Variants in UPF1 observed in about 807,000 individuals in gnomAD.
The protein encoded by UPF1 is UPF1 RNA helicase and ATPase, also known as regulator of nonsense transcripts 1.
In UPF1, 9 loss-of-function variants were observed where a neutral mutation model predicts 129.2. That is an observed-to-expected ratio of 0.07 (90% CI 0.04 to 0.12). UPF1 has a LOEUF of 0.12. UPF1 is among the 10% of genes least tolerant of loss of function. UPF1 has a pLI of 1.00. For missense variants in UPF1, 788 were observed against 1,525.3 expected (o/e 0.52, Z 8.05); for synonymous variants, 649 against 644.9 (o/e 1.01, Z -0.10).
rs118121500 is a variant in UPF1 at position 18,850,678 on chromosome 19, C to T, written c.630-10C>T. On this transcript the variant is annotated splice_polypyrimidine_tract_variant and intron_variant, in intron 4 of 23. Transcript: ENST00000262803. This position sits in a 1 kb window ranked among gnomAD's most constrained non-coding sequence, Gnocchi z 7.1. ...GGAGCTGGTCCTCACGGCCCCCTCC[C>T]GCTCTGCAGGCAGCCCTGTGCCAGC... 14,145 of 1,562,744 alleles carry T rather than the reference C, an allele frequency of 9.1e-3. 75 individuals are homozygous for T. The highest frequency in any genetic ancestry group is 0.011 in the Non-Finnish European group (12,844 of 1,151,356).
chr19:18,856,422 A>G, intron 13 of UPF1, 122 bp downstream of exon 13: 2 of 937,046 alleles, frequency 2.1e-6, no homozygotes, highest in East Asian at 2.7e-5. Context: ...GATGCTCTCT[A>G]CTTGGCCTCT....
At chr19:18,839,821 G>A (rs1287094116) in intron 1 of UPF1, among the ~76,000 whole-genome samples, 1 of 152,228 alleles carries the variant, frequency 6.6e-6, no homozygotes, top group Non-Finnish European at 1.5e-5. Context: ...CGGTTGCACT[G>A]TTAGAAGACA....
Position 18,868,193 on chromosome 19 carries a change from C to A in UPF1, c.*1676C>A, listed in dbSNP as rs141785250. 1.0e-4 allele frequency: 25 copies of A among 244,528 alleles called. No individual in the cohort carries two copies. Among genetic ancestry groups the A allele is most frequent in the African/African-American group, 4.7e-4 (21 of 45,006 alleles). The allele number at this position is 244,528 out of a possible 1,614,324, so 15.1% of individuals were successfully genotyped here. Reference sequence around the variant, plus strand: ...TTTTGATTTTCGGTCAATTTAAGTTCTTTTGTCACCAAATATTAATAAACA... The same window carrying A: ...TTTTGATTTTCGGTCAATTTAAGTTATTTTGTCACCAAATATTAATAAACA... On this transcript the variant is annotated 3_prime_UTR_variant, in exon 24 of 24. Coordinates refer to ENST00000262803, the MANE Select transcript of UPF1 (RefSeq NM_002911.4).
chr19:18,860,192 C>T (rs2055762418), intron 15 of UPF1, 129 bp from the exon 16 acceptor site: 5 of 984,170 alleles, frequency 5.1e-6, no homozygotes, highest in Non-Finnish European at 7.8e-6. Context: ...TCACCAGGGC[C>T]TCACAGATCG....
At chr19:18,845,838 G>A (rs913346917) in intron 1 of UPF1, 142 bp from the exon 2 acceptor site, 3 of 1,316,402 alleles carry the variant, frequency 2.3e-6, no homozygotes, top group Non-Finnish European at 3.0e-6. Flanking sequence ...CTAGAGAAGA[G>A]TGAAATCCAG....
In UPF1 at chr19:18,860,863, T is replaced by C. The variant is rs1217478130; in HGVS notation, c.2338T>C (p.Leu780=). ...GAACGTGGAGAAGATCACCACGAAGTTGCTGAAGGCAGGCGCCAAGCCGGA... is the reference window on the plus strand; with the variant it reads ...GAACGTGGAGAAGATCACCACGAAGCTGCTGAAGGCAGGCGCCAAGCCGGA... ...AANVEKITTK[L]LKAGAKPDQI... The change falls in exon 17 of 24, where the codon TTG becomes CTG. Residue 780 remains leucine, a synonymous_variant. Coordinates refer to ENST00000262803, the MANE Select transcript of UPF1 (RefSeq NM_002911.4). 5.0e-6 allele frequency: 8 copies of C among 1,612,064 alleles called. 1 individual carries two copies. In the South Asian group the frequency reaches 8.8e-5, roughly 18 times the overall value.
At chr19:18,837,456 G>A (rs140085320) in intron 1 of UPF1, among the ~76,000 whole-genome samples, 5 of 152,208 alleles carry the variant, frequency 3.3e-5, no homozygotes, top group Non-Finnish European at 5.9e-5. Context: ...GTGTGTGTAC[G>A]CAGGGCTGCG....
chr19:18,847,608 A>T, intron 2 of UPF1, 136 bp from the exon 3 acceptor site: 2 of 749,684 alleles, frequency 2.7e-6, no homozygotes, highest in Non-Finnish European at 2.3e-6. Context: ...TGATTTGGTT[A>T]CTGGGATTGT....
chr19:18,839,268 A>AT (rs964381548), intron 1 of UPF1, among the ~76,000 whole-genome samples: 1 of 151,914 alleles, frequency 6.6e-6, no homozygotes, highest in Non-Finnish European at 1.5e-5. Flanking sequence ...ATTTTTTTGT[A>AT]TTTTTAGTAG....
In UPF1 at chr19:18,851,987, G is replaced by A; in HGVS notation, c.811-148G>A. 1 of 1,181,846 alleles carries A rather than the reference G, an allele frequency of 8.5e-7. No homozygotes were observed. Among genetic ancestry groups the A allele is most frequent in the Non-Finnish European group, 1.1e-6 (1 of 883,252 alleles). The allele number at this position is 1,181,846 out of a possible 1,614,324, so 73.2% of individuals were successfully genotyped here. A position where few individuals can be genotyped will look rare whatever the true frequency, so the allele number is the denominator to read the frequency against. Reference sequence around the variant, plus strand: ...TTCCCAGGGTTCTCCTTGCAGGTGGGGCTGCGCCAGAACCCCTCCATGCCA... The same window carrying A: ...TTCCCAGGGTTCTCCTTGCAGGTGGAGCTGCGCCAGAACCCCTCCATGCCA... On this transcript the variant is annotated intron_variant, in intron 5 of 23. Transcript: ENST00000262803. This position sits in a 1 kb window ranked among gnomAD's most constrained non-coding sequence, Gnocchi z 4.2.
At position 18,832,518 on chromosome 19, in the gene UPF1, C is replaced by T. The variant is rs2055438915; in HGVS notation, c.231+78C>T. 1 of 965,860 alleles carries T rather than the reference C, an allele frequency of 1.0e-6. No individual in the cohort carries two copies. The highest frequency in any genetic ancestry group is 1.2e-6 in the Non-Finnish European group (1 of 809,880). 59.8% of individuals were successfully genotyped at this position (965,860 alleles called of 1,614,324 possible). On this transcript the variant is annotated intron_variant, in intron 1 of 23. Transcript: ENST00000262803. This position sits in a 1 kb window ranked among gnomAD's most constrained non-coding sequence, Gnocchi z 5.6. Reference sequence around the variant, plus strand: ...ACCTGCCCCGAACTCGCCTCGGGCCCGGCCTGTGTTTGGCCGGAGTCCCCC... The same window carrying T: ...ACCTGCCCCGAACTCGCCTCGGGCCTGGCCTGTGTTTGGCCGGAGTCCCCC...
At chr19:18,858,963 T>C (rs941764866) in intron 15 of UPF1, among the ~76,000 whole-genome samples, 1 of 152,188 alleles carries the variant, frequency 6.6e-6, no homozygotes, top group Non-Finnish European at 1.5e-5. Flanking sequence ...ACTCCAAACC[T>C]GTGAGGTTGG....
intron 17 of UPF1, among the ~76,000 whole-genome samples, chr19:18,861,291 T>C (rs1199254773): frequency 6.6e-6 from 1 of 152,246 alleles, no homozygotes; most frequent in African/African-American, 2.4e-5. Context: ...GGCAGTGGTC[T>C]GTGCCTGCCA....
intron 2 of UPF1, among the ~76,000 whole-genome samples, chr19:18,847,067 C>T (rs531781766): frequency 1.2e-4 from 18 of 152,294 alleles, no homozygotes; most frequent in African/African-American, 3.6e-4. Context: ...TGCTGCCCAG[C>T]GCTCCGGGAC....
In UPF1 at chr19:18,866,061, C is replaced by T. The variant is rs368638196; in HGVS notation, c.3255C>T (p.Asp1085=). ...PELSQDSYLG[D]EFKSQIDVAL... ...TCTTTCAGGACAGTTACCTTGGTGA[C>T]GAGTTTAAATCACAAATCGACGTGG... is the stretch of plus-strand genomic sequence containing the variant. Residue 1085 remains aspartate, a synonymous_variant, in exon 23 of 24, where the codon GAC becomes GAT. Coordinates refer to ENST00000262803, the MANE Select transcript of UPF1 (RefSeq NM_002911.4). 31 of 1,613,478 alleles carry T rather than the reference C, an allele frequency of 1.9e-5. No individual in the cohort carries two copies. The highest frequency in any genetic ancestry group is 9.9e-5 in the South Asian group (9 of 91,060).
chr19:18,851,028 A>C lies in UPF1; in HGVS notation c.810+160A>C. 1.3e-6 allele frequency: 1 copy of C among 794,696 alleles called. No individual in the cohort carries two copies. Among genetic ancestry groups the C allele is most frequent in the Admixed American group, 3.7e-5 (1 of 27,210 alleles). 49.2% of individuals were successfully genotyped at this position (794,696 alleles called of 1,614,324 possible). A position where few individuals can be genotyped will look rare whatever the true frequency, so the allele number is the denominator to read the frequency against. ...CCTCTACGTGGAATGACCTCAGGGC[A>C]CCTTGGTCACCTTCCATCCAGGCAG... is the stretch of plus-strand genomic sequence containing the variant. On this transcript the variant is annotated intron_variant, in intron 5 of 23. Transcript: ENST00000262803. The surrounding 1 kb of genome is among the most constrained non-coding windows in gnomAD (Gnocchi z 4.2).
intron 1 of UPF1, among the ~76,000 whole-genome samples, chr19:18,835,720 C>T (rs1024994373): frequency 1.3e-5 from 2 of 152,206 alleles, no homozygotes; most frequent in Non-Finnish European, 2.9e-5. Context: ...TTGTTTATCT[C>T]GTCATCTGTT....
In UPF1 at chr19:18,854,644, T is replaced by A. The variant is rs2055695886; in HGVS notation, c.1200T>A (p.Gly400=). The A allele has an allele frequency of 1.2e-6, 2 of 1,614,016 alleles. No homozygotes were observed. The highest frequency in any genetic ancestry group is 8.5e-7 in the Non-Finnish European group (1 of 1,180,016). The change falls in exon 9 of 24, where the codon GGT becomes GGA. Residue 400 remains glycine, a synonymous_variant. Transcript: ENST00000262803. ...EIAIELRSSV[G]APVEVTHNFQ... ...CCATTGAGCTGCGGAGCAGCGTGGGTGCACCTGTGGAGGTGACTCACAACT... is the reference window on the plus strand; with the variant it reads ...CCATTGAGCTGCGGAGCAGCGTGGGAGCACCTGTGGAGGTGACTCACAACT...
In UPF1 at chr19:18,865,992, ATGTGAGCACCCTTGGCC is replaced by A; in HGVS notation, c.3238-47_3238-31del. 1 of 1,609,006 alleles carries A rather than the reference ATGTGAGCACCCTTGGCC, an allele frequency of 6.2e-7. No individual in the cohort carries two copies. Among genetic ancestry groups the A allele is most frequent in the Non-Finnish European group, 8.5e-7 (1 of 1,178,700 alleles). On this transcript the variant is annotated intron_variant, in intron 22 of 23. Coordinates refer to ENST00000262803, the MANE Select transcript of UPF1 (RefSeq NM_002911.4). This position sits in a 1 kb window ranked among gnomAD's most constrained non-coding sequence, Gnocchi z 6.1. ...TCTGGGGCTGCTGAGGGCTGGGTGG[ATGTGAGCACCCTTGGCC>A]TGTGGCTTGCTTACCTCCTGACCTT... is the stretch of plus-strand genomic sequence containing the variant.
Sources: gnomAD v4.1 joint callset for allele counts (sites outside exome capture counted in the v4.1 genomes callset) on GRCh38, gnomAD v4.1.1 for gene constraint, Gnocchi (gnomAD v3.1) non-coding constraint, MANE v1.5 for transcripts, NCBI Gene and HGNC (gene_info 2026-07-23, HGNC 2026-07-21) for gene names.